LMNTD1: variants seen among roughly 807,000 people sequenced by gnomAD.
LMNTD1 encodes the protein lamin tail domain containing 1, also known as lamin tail domain-containing protein 1.
Under a neutral mutation model 50.9 loss-of-function variants are expected in LMNTD1, and 35 were observed. The ratio of observed to expected loss-of-function variants is 0.69; its 90% CI spans 0.53 to 0.91. The LOEUF (loss-of-function observed/expected upper bound fraction) is 0.91, where lower values mean the gene tolerates loss of function less well. Among genes scored for constraint, LMNTD1 ranks in the 40% least tolerant of loss-of-function variants. The pLI is 0.00. For synonymous variants in LMNTD1, 153 were observed against 161.9 expected (o/e 0.94, Z 0.42); for missense variants, 470 against 475.5 (o/e 0.99, Z 0.11).
chr12:25,510,368 A>C (rs141380422), intron 8 of LMNTD1, among the ~76,000 whole-genome samples: 3 of 152,024 alleles, frequency 2.0e-5, no homozygotes, highest in African/African-American at 7.2e-5. Flanking sequence ...TTATCTTATG[A>C]CTTCCATATT....
intron 1 of LMNTD1, among the ~76,000 whole-genome samples, chr12:25,569,679 A>G (rs1944705749): frequency 1.3e-5 from 2 of 152,142 alleles, no homozygotes; most frequent in Admixed American, 1.3e-4. Context: ...ATAAGTTCTC[A>G]TTCAGTTAGT....
chr12:25,631,034 C>T (rs1332206377), intron 1 of LMNTD1, among the ~76,000 whole-genome samples: 1 of 152,162 alleles, frequency 6.6e-6, no homozygotes, highest in Non-Finnish European at 1.5e-5. Context: ...TGCCGGCTTT[C>T]TCCCACTTCC....
At chr12:25,570,765 A>G (rs1357745426) in intron 1 of LMNTD1, among the ~76,000 whole-genome samples, 1 of 152,214 alleles carries the variant, frequency 6.6e-6, no homozygotes, top group Non-Finnish European at 1.5e-5. Flanking sequence ...GGATACTAAA[A>G]GAAACTTTTG....
At chr12:25,499,420 G>A (rs1347030881) in intron 9 of LMNTD1, among the ~76,000 whole-genome samples, 1 of 151,782 alleles carries the variant, frequency 6.6e-6, no homozygotes, top group Non-Finnish European at 1.5e-5. Context: ...TTTTTTCCCT[G>A]TGAACTCAAC....
intron 1 of LMNTD1, among the ~76,000 whole-genome samples, chr12:25,637,402 C>T (rs1422238461): frequency 6.6e-6 from 1 of 151,972 alleles, no homozygotes; most frequent in Non-Finnish European, 1.5e-5. Flanking sequence ...ATAGAGAATA[C>T]CCATTAAGAA....
intron 1 of LMNTD1, among the ~76,000 whole-genome samples, chr12:25,633,333 G>T (rs1488920595): frequency 1.3e-5 from 2 of 151,970 alleles, no homozygotes; most frequent in Non-Finnish European, 2.9e-5. Context: ...GGACTTAACA[G>T]ATATATATAG....
intron 6 of LMNTD1, among the ~76,000 whole-genome samples, chr12:25,525,593 T>C (rs967491644): frequency 2.6e-5 from 4 of 152,150 alleles, no homozygotes; most frequent in Admixed American, 2.0e-4. Flanking sequence ...TTTGCCAAAT[T>C]GTAAGTAACT....
chr12:25,636,272 T>G (rs1946831969), intron 1 of LMNTD1, among the ~76,000 whole-genome samples: 1 of 151,666 alleles, frequency 6.6e-6, no homozygotes, highest in African/African-American at 2.4e-5. Flanking sequence ...TACAATGAAC[T>G]CAAACAAATC....
chr12:25,626,783 A>G (rs1946599186), intron 1 of LMNTD1, among the ~76,000 whole-genome samples: 3 of 152,206 alleles, frequency 2.0e-5, no homozygotes, highest in Non-Finnish European at 4.4e-5. Context: ...CAGAATAAAC[A>G]TAAAGATTGC....
intron 1 of LMNTD1, among the ~76,000 whole-genome samples, chr12:25,647,685 C>A (rs146526975): frequency 3.3e-5 from 5 of 152,112 alleles, no homozygotes; most frequent in African/African-American, 1.2e-4. Context: ...CATGAATACA[C>A]CAATTACTAA....
chr12:25,601,073 A>T (rs1945958590), intron 1 of LMNTD1, among the ~76,000 whole-genome samples: 1 of 152,012 alleles, frequency 6.6e-6, no homozygotes, highest in Admixed American at 6.6e-5. Flanking sequence ...AGATGAATGG[A>T]CAAAGAAAAT....
intron 1 of LMNTD1, among the ~76,000 whole-genome samples, chr12:25,604,709 T>C (rs1239292989): frequency 6.6e-6 from 1 of 152,218 alleles, no homozygotes; most frequent in African/African-American, 2.4e-5. Context: ...TAGTATCCCA[T>C]GGTGTATATG....
At chr12:25,550,810 A>G (rs1480237154) in intron 2 of LMNTD1, among the ~76,000 whole-genome samples, 5 of 152,240 alleles carry the variant, frequency 3.3e-5, no homozygotes, top group African/African-American at 1.2e-4. Context: ...ATTCAAAACT[A>G]GACTGCTCTT....
chr12:25,561,547 T>A (rs953709480), intron 1 of LMNTD1, among the ~76,000 whole-genome samples: 42 of 152,168 alleles, frequency 2.8e-4, no homozygotes, highest in African/African-American at 9.4e-4. Context: ...TGCTGAGGAG[T>A]GCTTTACTTT....
At chr12:25,637,703 A>G (rs534477621) in intron 1 of LMNTD1, among the ~76,000 whole-genome samples, 18 of 152,308 alleles carry the variant, frequency 1.2e-4, no homozygotes, top group African/African-American at 4.1e-4. Flanking sequence ...CTTTACATTC[A>G]ATATATAAAG....
chr12:25,627,862 C>T (rs1017988664), intron 1 of LMNTD1, among the ~76,000 whole-genome samples: 1 of 151,940 alleles, frequency 6.6e-6, no homozygotes, highest in African/African-American at 2.4e-5. Flanking sequence ...GTAATCCCAG[C>T]ACTTTGGGAG....
upstream of LMNTD1, among the ~76,000 whole-genome samples, chr12:25,557,753 T>A (rs955004345): frequency 2.6e-5 from 4 of 152,214 alleles, no homozygotes; most frequent in African/African-American, 9.6e-5. Flanking sequence ...CCATGTGTCT[T>A]GAAACAAAAT....
intron 3 of LMNTD1, among the ~76,000 whole-genome samples, chr12:25,548,387 A>C (rs1943559549): frequency 6.6e-6 from 1 of 151,894 alleles, no homozygotes; most frequent in Non-Finnish European, 1.5e-5. Context: ...CAGTTTTGAA[A>C]CTTGAAACTT....
intron 9 of LMNTD1, among the ~76,000 whole-genome samples, chr12:25,503,254 TATC>T (rs1273660820): frequency 3.9e-5 from 6 of 152,194 alleles, no homozygotes; most frequent in Non-Finnish European, 7.3e-5. Context: ...ACTTAGTTGA[TATC>T]ATCGTGAAAA....
Sources: gnomAD v4.1 joint callset for allele counts (sites outside exome capture counted in the v4.1 genomes callset) on GRCh38, gnomAD v4.1.1 for gene constraint, MANE v1.5 for transcripts, NCBI Gene and HGNC (gene_info 2026-07-23, HGNC 2026-07-21) for gene names.